PHAX: variants seen among roughly 807,000 people sequenced by gnomAD.
PHAX encodes phosphorylated adapter RNA export protein.
In PHAX, 31 loss-of-function variants were observed where a neutral mutation model predicts 41.6. The ratio of observed to expected loss-of-function variants is 0.75; its 90% confidence interval spans 0.56 to 1.01. The LOEUF (loss-of-function observed/expected upper bound fraction) is 1.01. Among genes scored for constraint, PHAX ranks in the 50% least tolerant of loss-of-function variants. The pLI, the probability that PHAX is intolerant of heterozygous loss-of-function variation, is 0.00. For synonymous variants in PHAX, 175 were observed against 164.9 expected, an observed-to-expected ratio of 1.06 and a Z score of -0.47; for missense variants, 453 against 472.9, an observed-to-expected ratio of 0.96 and a Z score of 0.39.
intron 2 of PHAX, among the ~76,000 whole-genome samples, chr5:126,606,015 C>A (rs1296524991): frequency 6.6e-6 from 1 of 152,178 alleles, no homozygotes; most frequent in Non-Finnish European, 1.5e-5. Context: ...TATAGTTAAT[C>A]CCTGTTCTCA....
Position 126,604,024 on chromosome 5 carries a change from A to T in PHAX, c.551A>T (p.Lys184Ile), listed in dbSNP as rs1561678477. ...GATGAATATATGCATGGTGGCAAAA[A>T]AATGGGATCAAAGGAAGAGGAAAAT... ...ELDEYMHGGK[K>I]MGSKEEENGQ... The change falls in exon 2 of 5, where the codon AAA becomes ATA. Residue 184 changes from lysine to isoleucine, a missense_variant. By Grantham distance (102) the Lys-to-Ile change is moderately radical. Transcript: ENST00000297540. The T allele has an allele frequency of 6.2e-7, 1 of 1,614,070 alleles. No individual in the cohort carries two copies. Among genetic ancestry groups the T allele is most frequent in the Non-Finnish European group, 8.5e-7 (1 of 1,180,020 alleles).
chr5:126,603,229 C>CAA lies in PHAX; in HGVS notation c.97-331_97-330dup, dbSNP rs59916245. Among the ~76,000 whole-genome samples, 19 of 145,338 alleles carry CAA rather than the reference C, an allele frequency of 1.3e-4. No individual in the cohort carries two copies. The South Asian group carries it at 2.2e-3, about 17-fold the overall frequency. ...TCGGCCACAGAACAAAACTTTGTCT[C>CAA]AAAAAAAAAAAGTAACAATTATTAT... On this transcript the variant is annotated intron_variant, in intron 1 of 4. Coordinates refer to ENST00000297540, the MANE Select transcript of PHAX (RefSeq NM_032177.4).
intron 4 of PHAX, among the ~76,000 whole-genome samples, chr5:126,618,754 G>T (rs1752225712): frequency 6.6e-6 from 1 of 151,598 alleles, no homozygotes; most frequent in Admixed American, 6.6e-5. Context: ...TGCCTCCCGG[G>T]TTCAAGCAAG....
At chr5:126,607,910 A>G (rs927606713) in intron 2 of PHAX, among the ~76,000 whole-genome samples, 7 of 152,084 alleles carry the variant, frequency 4.6e-5, no homozygotes, top group Admixed American at 2.6e-4. Context: ...AGCTGTTTCT[A>G]TTTTTTGTTC....
rs922883817 is a variant in PHAX, at chr5:126,608,395, C to T, written c.742C>T (p.Arg248Ter). Reference sequence around the variant, plus strand: ...GGAACCAAAGAAAGACCTGATAGCCCGAGTAGTGAGGATTATTGGTAACAA... The same window carrying T: ...GGAACCAAAGAAAGACCTGATAGCCTGAGTAGTGAGGATTATTGGTAACAA... ...LQEPKKDLIA[R>*]VVRIIGNKKA... The change falls in exon 3 of 5, where the codon CGA becomes TGA. Residue 248 changes from arginine to a stop codon, truncating the protein, a stop_gained. Transcript: ENST00000297540. LOFTEE classifies it high-confidence loss of function. 1.2e-6 allele frequency: 2 copies of T among 1,613,300 alleles called. No individual in the cohort carries two copies. The highest frequency in any genetic ancestry group is 1.7e-6 in the Non-Finnish European group (2 of 1,179,384).
chr5:126,624,630 AGAG>A lies in PHAX; in HGVS notation c.975_977del (p.Arg326del), dbSNP rs1432633815. 5 of 1,612,742 alleles carry A rather than the reference AGAG, an allele frequency of 3.1e-6. No homozygotes were observed. Among genetic ancestry groups the A allele is most frequent in the Admixed American group, 1.7e-5 (1 of 59,866 alleles). On this transcript the variant is annotated inframe_deletion, in exon 5 of 5. Coordinates refer to ENST00000297540, the MANE Select transcript of PHAX (RefSeq NM_032177.4). The stretch of plus-strand genomic sequence containing the variant: ...TATGAAAATAAAAAAGCTGCTAGGA[AGAG>A]GAGAACACAAGTGTTGGGGAAAAAG...
chr5:126,616,046 AC>A (rs1248318549), intron 3 of PHAX, among the ~76,000 whole-genome samples: 2 of 128,034 alleles, frequency 1.6e-5, no homozygotes, highest in African/African-American at 7.1e-5. Context: ...TCAACCACCA[AC>A]TTTTTTTTTT....
chr5:126,606,948 C>T (rs80147849), intron 2 of PHAX, among the ~76,000 whole-genome samples: 8,562 of 152,272 alleles, frequency 0.056, 439 homozygotes, highest in African/African-American at 0.14. Context: ...TGAGCCACCT[C>T]ACCTGGCCAT....
At chr5:126,602,447 C>T (rs567210591) in intron 1 of PHAX, among the ~76,000 whole-genome samples, 10 of 152,216 alleles carry the variant, frequency 6.6e-5, no homozygotes, top group Non-Finnish European at 1.3e-4. Flanking sequence ...AGGGTTATTG[C>T]AAGGATTCTG....
intron 2 of PHAX, among the ~76,000 whole-genome samples, chr5:126,605,948 A>G (rs1446769274): frequency 2.6e-5 from 4 of 152,184 alleles, no homozygotes; most frequent in Non-Finnish European, 4.4e-5. Context: ...TTGTATAACC[A>G]TCACCTCTGA....
intron 3 of PHAX, among the ~76,000 whole-genome samples, chr5:126,616,738 G>C (rs940706377): frequency 3.9e-5 from 6 of 152,124 alleles, no homozygotes; most frequent in African/African-American, 1.4e-4. Flanking sequence ...AAATTCGCCA[G>C]GCGTGGTGGG....
rs201721095 is a variant in PHAX, at chr5:126,624,733, G to A, written c.1074G>A (p.Thr358=). The A allele has an allele frequency of 7.0e-5, 113 of 1,614,032 alleles. No homozygotes were observed. The highest frequency in any genetic ancestry group is 9.3e-5 in the African/African-American group (7 of 74,936). The change falls in exon 5 of 5, where the codon ACG becomes ACA. Residue 358 remains threonine (T), a synonymous_variant. Transcript: ENST00000297540. The part of the protein sequence containing the change: ...DTSRETFASD[T]NEALASLDES... ...CACGAGAAACTTTTGCAAGTGACAC[G>A]AATGAGGCCTTGGCCTCTCTTGATG...
Position 126,624,915 on chromosome 5 carries a change from T to C in PHAX, c.*71T>C. On this transcript the variant is annotated 3_prime_UTR_variant, in exon 5 of 5. Transcript: ENST00000297540. ...TGTAATAAACCATTTTTACTGAGAT[T>C]GCAACGTTTTGCACTGATAAACATG... 7.5e-7 allele frequency: 1 copy of C among 1,329,578 alleles called. No individual in the cohort carries two copies. Among genetic ancestry groups the C allele is most frequent in the Non-Finnish European group, 1.0e-6 (1 of 964,314 alleles). 82.4% of individuals were successfully genotyped at this position (1,329,578 alleles called of 1,614,324 possible). A position where few individuals can be genotyped will look rare whatever the true frequency, so the allele number is the denominator to read the frequency against.
intron 2 of PHAX, among the ~76,000 whole-genome samples, chr5:126,605,266 ATCC>A (rs1751971168): frequency 1.3e-5 from 2 of 151,980 alleles, no homozygotes; most frequent in Admixed American, 1.3e-4. Flanking sequence ...GGCTTAAGCA[ATCC>A]TCCTGCCTCA....
chr5:126,611,639 A>G (rs894323560), intron 3 of PHAX, among the ~76,000 whole-genome samples: 3 of 152,020 alleles, frequency 2.0e-5, no homozygotes, highest in African/African-American at 4.8e-5. Flanking sequence ...ATGTATACAT[A>G]TATTAGCCAG....
chr5:126,609,518 T>G (rs1325361927), intron 3 of PHAX, among the ~76,000 whole-genome samples: 1 of 152,068 alleles, frequency 6.6e-6, no homozygotes, highest in Non-Finnish European at 1.5e-5. Context: ...ACATACTAAT[T>G]GAAATTCGGC....
intron 4 of PHAX, among the ~76,000 whole-genome samples, chr5:126,619,142 G>A (rs1487486165): frequency 6.6e-6 from 1 of 152,116 alleles, no homozygotes; most frequent in Non-Finnish European, 1.5e-5. Context: ...GGCCAGGCTG[G>A]TCTCCAACTC....
At chr5:126,613,129 A>C (rs1472901851) in intron 3 of PHAX, among the ~76,000 whole-genome samples, 1 of 152,172 alleles carries the variant, frequency 6.6e-6, no homozygotes, top group African/African-American at 2.4e-5. Context: ...CGGGCATATC[A>C]CCTGAGGTCA....
intron 3 of PHAX, 55 bp downstream of exon 3, chr5:126,608,539 T>TTGTTTG: frequency 6.8e-7 from 1 of 1,465,028 alleles, no homozygotes; most frequent in Non-Finnish European, 9.5e-7. Context: ...GTTTTTGTTT[T>TTGTTTG]TGATTACAAA....
Sources: allele counts gnomAD v4.1 joint callset (sites outside exome capture counted in the v4.1 genomes callset), GRCh38; gene constraint gnomAD v4.1.1; transcripts MANE v1.5; gene names NCBI Gene and HGNC (gene_info 2026-07-23, HGNC 2026-07-21).